The following NOD1 variants were observed in gnomAD, a reference collection of about 807,000 sequenced individuals.
NOD1 encodes the protein nucleotide binding oligomerization domain containing 1.
NOD1 carries 70 observed loss-of-function variants against 81.2 expected under a neutral mutation model. The observed-to-expected ratio is 0.86, with a 90% CI of 0.71 to 1.05. The LOEUF (loss-of-function observed/expected upper bound fraction) is 1.05. Among genes scored for constraint, NOD1 ranks in the 50% least tolerant of loss-of-function variants. The probability of loss-of-function intolerance (pLI) is 0.00; values close to 1 mark genes in which losing one functional copy is unlikely to be tolerated. For missense variants in NOD1, 1,233 were observed against 1,228.0 expected, an observed-to-expected ratio of 1.00 and a Z score of -0.06; for synonymous variants, 508 against 526.9, an observed-to-expected ratio of 0.96 and a Z score of 0.49.
chr7:30,450,180 C>T (rs1215775970), intron 6 of NOD1, among the ~76,000 whole-genome samples: 4 of 151,734 alleles, frequency 2.6e-5, no homozygotes, highest in East Asian at 1.9e-4. Flanking sequence ...GGCAACAGAG[C>T]GGGACTCCAT....
chr7:30,447,368 G>T, intron 7 of NOD1: 1 of 364,766 alleles, frequency 2.7e-6, no homozygotes, highest in Non-Finnish European at 5.2e-6. Flanking sequence ...CAAAGCCCTG[G>T]TGCATGAGTG....
At chr7:30,455,391 G>A in intron 4 of NOD1, 80 bp from the exon 5 acceptor site, 3 of 1,190,504 alleles carry the variant, frequency 2.5e-6, no homozygotes, top group Non-Finnish European at 3.6e-6. Context: ...GCAGGCTCAG[G>A]GCAGGGCTCT....
At chr7:30,439,055 A>G (rs530008302) in intron 9 of NOD1, among the ~76,000 whole-genome samples, 1 of 152,370 alleles carries the variant, frequency 6.6e-6, no homozygotes, top group Non-Finnish European at 1.5e-5. Flanking sequence ...CACACTCATT[A>G]GGATGGGTAC....
At position 30,452,207 on chromosome 7, in the gene NOD1, A is replaced by G. The variant is rs752543967; in HGVS notation, c.1210T>C (p.Phe404Leu). The change falls in exon 6 of 14, where the codon TTC (phenylalanine) becomes CTC (leucine). Residue 404 changes from phenylalanine to leucine, a missense_variant. Physicochemically the swap from Phe to Leu is conservative, Grantham distance 22 (BLOSUM62 0). Transcript: ENST00000222823. The part of the protein sequence containing the change: ...CWIIFRCFQH[F>L]RAAFEGSPQL... The stretch of plus-strand genomic sequence containing the variant: ...GGTGAGCCTTCAAAGGCAGCACGGA[A>G]GTGCTGGAAGCACCGGAAGATGATC... 1 of 1,613,906 alleles carries G rather than the reference A, an allele frequency of 6.2e-7. No homozygotes were observed. The highest frequency in any genetic ancestry group is 8.5e-7 in the Non-Finnish European group (1 of 1,180,014).
intron 1 of NOD1, among the ~76,000 whole-genome samples, chr7:30,466,962 C>T (rs1787758384): frequency 6.6e-6 from 1 of 152,166 alleles, no homozygotes; most frequent in African/African-American, 2.4e-5. Flanking sequence ...CCACCTCACT[C>T]CACCCCTCAC....
chr7:30,447,653 A>C (rs1205961338), intron 7 of NOD1: 2 of 155,608 alleles, frequency 1.3e-5, no homozygotes, highest in Non-Finnish European at 2.9e-5. Context: ...GCCCCAAGAA[A>C]CTGAACAACT....
intron 1 of NOD1, among the ~76,000 whole-genome samples, chr7:30,470,601 G>C (rs767667411): frequency 6.6e-6 from 1 of 152,186 alleles, no homozygotes; most frequent in Non-Finnish European, 1.5e-5. Flanking sequence ...GTTGCTCTAA[G>C]GCATTTATCT....
At chr7:30,450,171 G>A (rs1785540108) in intron 6 of NOD1, among the ~76,000 whole-genome samples, 2 of 152,118 alleles carry the variant, frequency 1.3e-5, no homozygotes, top group African/African-American at 2.4e-5. Flanking sequence ...TCCAGCCTGG[G>A]CAACAGAGCG....
chr7:30,460,787 C>A, intron 1 of NOD1: 2 of 723,404 alleles, frequency 2.8e-6, no homozygotes, highest in Non-Finnish European at 3.4e-6. Flanking sequence ...AGCTTTCTGC[C>A]CTCAGAGAGG....
intron 12 of NOD1, among the ~76,000 whole-genome samples, chr7:30,432,751 A>T (rs1166736041): frequency 6.6e-6 from 1 of 152,256 alleles, no homozygotes; most frequent in Non-Finnish European, 1.5e-5. Flanking sequence ...TCATTTAGCC[A>T]TAAAAAGGAA....
At chr7:30,469,249 G>C in intron 1 of NOD1, 27 of 985,152 alleles carry the variant, frequency 2.7e-5, no homozygotes, top group Non-Finnish European at 3.3e-5. Context: ...TTAGCAGATG[G>C]ATGAAGCTAC....
intron 10 of NOD1, among the ~76,000 whole-genome samples, chr7:30,436,448 C>G (rs1784386020): frequency 6.6e-6 from 1 of 152,248 alleles, no homozygotes; most frequent in South Asian, 2.1e-4. Context: ...CTGGCAAAGT[C>G]TCTTCTGCTA....
chr7:30,451,564 T>C lies in NOD1; in HGVS notation c.1853A>G (p.Lys618Arg). The C allele has an allele frequency of 6.2e-7, 1 of 1,613,514 alleles. No homozygotes were observed. The highest frequency in any genetic ancestry group is 2.2e-5 in the East Asian group (1 of 44,874). Residue 618 changes from lysine (K) to arginine (R), a missense_variant, in exon 6 of 14, where the codon AAG becomes AGG. Coordinates refer to ENST00000222823, the MANE Select transcript of NOD1 (RefSeq NM_006092.4). This position sits in a 1 kb window ranked among gnomAD's most constrained non-coding sequence, Gnocchi z 4.2. ...VPAAALRRKRKALWAHLFSSL... is the reference protein window; with the variant it reads ...VPAAALRRKRRALWAHLFSSL... ...GGAAAACAGGTGTGCCCACAGGGCCTTGCGCTTTCTCCTCAGGGCTGCCGC... is the reference window on the plus strand; with the variant it reads ...GGAAAACAGGTGTGCCCACAGGGCCCTGCGCTTTCTCCTCAGGGCTGCCGC...
In NOD1 at chr7:30,425,023, G is replaced by A. The variant is rs951087192; in HGVS notation, c.*615C>T. The A allele has an allele frequency of 6.6e-6, 1 of 152,512 alleles. No individual in the cohort carries two copies. The highest frequency in any genetic ancestry group is 6.5e-5 in the Admixed American group (1 of 15,296). The allele number at this position is 152,512 out of a possible 1,614,324, so 9.4% of individuals were successfully genotyped here. ...ACTCCAGGATTAAAATTAAAAGCCC[G>A]TGGTGCATCCTTTCCTTGACATTAA... is the stretch of plus-strand genomic sequence containing the variant. On this transcript the variant is annotated 3_prime_UTR_variant, in exon 14 of 14. Transcript: ENST00000222823.
Position 30,451,381 on chromosome 7 carries a change from T to C in NOD1, c.2036A>G (p.Tyr679Cys), listed in dbSNP as rs777139227. The change falls in exon 6 of 14, where the codon TAC becomes TGC. Residue 679 changes from tyrosine to cysteine, a missense_variant. Transcript: ENST00000222823. This position sits in a 1 kb window ranked among gnomAD's most constrained non-coding sequence, Gnocchi z 4.2. ...GGCGTTGCAGTAGGTCAGCTTGAGG[T>C]AGTTGGCGCAGATGCCCCTGGCCGC... ...QLAARGICANYLKLTYCNACS... is the reference protein window; with the variant it reads ...QLAARGICANCLKLTYCNACS... 2.5e-6 allele frequency: 4 copies of C among 1,613,984 alleles called. No individual in the cohort carries two copies. The highest frequency in any genetic ancestry group is 3.4e-6 in the Non-Finnish European group (4 of 1,180,052).
intron 1 of NOD1, among the ~76,000 whole-genome samples, chr7:30,473,967 CA>C (rs1788523868): frequency 6.6e-6 from 1 of 152,152 alleles, no homozygotes; most frequent in Non-Finnish European, 1.5e-5. Flanking sequence ...AAACAAACAA[CA>C]AAAACCCTAA....
chr7:30,452,095 A>G lies in NOD1; in HGVS notation c.1322T>C (p.Leu441Pro). 1 of 1,613,848 alleles carries G rather than the reference A, an allele frequency of 6.2e-7. No homozygotes were observed. The highest frequency in any genetic ancestry group is 8.5e-7 in the Non-Finnish European group (1 of 1,180,024). The change falls in exon 6 of 14, where the codon CTG becomes CCG. Residue 441 changes from leucine (L) to proline (P), a missense_variant. By Grantham distance (98) the Leu-to-Pro change is moderately conservative. Transcript: ENST00000222823. ...VHLNRMQPSS[L>P]VQRNTRSPVE... ...TGGGCTGCGTGTGTTCCGCTGCACC[A>G]GGCTGCTGGGCTGCATCCTGTTCAG...
At chr7:30,461,502 G>C (rs971803026) in intron 1 of NOD1, among the ~76,000 whole-genome samples, 1 of 151,988 alleles carries the variant, frequency 6.6e-6, no homozygotes, top group African/African-American at 2.4e-5. Flanking sequence ...TTATTAATGA[G>C]ATAGTTTACA....
At chr7:30,428,100 C>G (rs905628516) in intron 13 of NOD1, among the ~76,000 whole-genome samples, 1 of 152,108 alleles carries the variant, frequency 6.6e-6, no homozygotes, top group East Asian at 1.9e-4. Flanking sequence ...TTTTTTGAGA[C>G]AGGGTCTCTG....
Sources: gnomAD v4.1 joint callset for allele counts (sites outside exome capture counted in the v4.1 genomes callset) on GRCh38, gnomAD v4.1.1 for gene constraint, Gnocchi (gnomAD v3.1) non-coding constraint, MANE v1.5 for transcripts, NCBI Gene and HGNC (gene_info 2026-07-23, HGNC 2026-07-21) for gene names.